MTUS1: variants seen among roughly 807,000 people sequenced by gnomAD.
The protein encoded by MTUS1 is microtubule-associated tumor suppressor 1.
MTUS1 carries 109 observed loss-of-function variants against 120.8 expected under a neutral mutation model. That is an observed-to-expected ratio of 0.90 (90% CI 0.77 to 1.06). The LOEUF (loss-of-function observed/expected upper bound fraction) is 1.06, where lower values mean the gene tolerates loss of function less well. Ranked by LOEUF, MTUS1 falls within the 50% of genes least tolerant of loss-of-function variation. The pLI is 0.00. For missense variants in MTUS1, 2,210 were observed against 1,486.3 expected (o/e 1.49, Z -8.01); for synonymous variants, 737 against 550.5 (o/e 1.34, Z -4.74).
chr8:17,662,557 T>C (rs1330304811), intron 8 of MTUS1, among the ~76,000 whole-genome samples: 1 of 151,970 alleles, frequency 6.6e-6, no homozygotes, highest in East Asian at 1.9e-4. Flanking sequence ...GGTTTCACTA[T>C]GTGGGTAAGA....
At chr8:17,651,126 T>C (rs980401462) in intron 12 of MTUS1, among the ~76,000 whole-genome samples, 4 of 152,100 alleles carry the variant, frequency 2.6e-5, no homozygotes, top group Non-Finnish European at 4.4e-5. Context: ...CAGGGACTAA[T>C]ACATCTTTAA....
intron 8 of MTUS1, among the ~76,000 whole-genome samples, chr8:17,673,488 G>C (rs1812441488): frequency 6.6e-6 from 1 of 152,182 alleles, no homozygotes; most frequent in Admixed American, 6.5e-5. Context: ...GTCTTGCTCT[G>C]TTGGCCAGAC....
chr8:17,786,170 G>C (rs1038408882), intron 1 of MTUS1, among the ~76,000 whole-genome samples: 8 of 152,038 alleles, frequency 5.3e-5, no homozygotes, highest in African/African-American at 1.9e-4. Context: ...AAGCAGCTTA[G>C]AACACGTCAA....
chr8:17,756,671 A>AACCCCCCC (rs2048636698), intron 1 of MTUS1, among the ~76,000 whole-genome samples: 30 of 117,530 alleles, frequency 2.6e-4, no homozygotes, highest in South Asian at 3.9e-4. Flanking sequence ...TCAAGCCCAA[A>AACCCCCCC]CCCCCACCCC....
At chr8:17,724,834 A>G (rs1273224287) in intron 3 of MTUS1, among the ~76,000 whole-genome samples, 1 of 152,114 alleles carries the variant, frequency 6.6e-6, no homozygotes, top group Admixed American at 6.5e-5. Flanking sequence ...CTTCCTTCTG[A>G]ATCTCAAGGC....
intron 3 of MTUS1, among the ~76,000 whole-genome samples, chr8:17,742,325 T>TG (rs2047399943): frequency 1.4e-5 from 2 of 147,934 alleles, no homozygotes; most frequent in Admixed American, 1.3e-4. Context: ...GATAGTGTCT[T>TG]GCTATGTTGC....
intron 5 of MTUS1, among the ~76,000 whole-genome samples, chr8:17,714,793 C>T (rs994213746): frequency 1.3e-5 from 2 of 150,782 alleles, no homozygotes; most frequent in African/African-American, 4.9e-5. Flanking sequence ...TTTCCAAATT[C>T]TCTAACATAA....
At chr8:17,705,263 C>T (rs140405506) in intron 6 of MTUS1, among the ~76,000 whole-genome samples, 109 of 152,264 alleles carry the variant, frequency 7.2e-4, no homozygotes, top group Non-Finnish European at 1.2e-3. Context: ...GGATTACAGG[C>T]GTGAGCCACC....
chr8:17,761,017 G>T (rs754921285), intron 1 of MTUS1, among the ~76,000 whole-genome samples: 1 of 151,896 alleles, frequency 6.6e-6, no homozygotes. Flanking sequence ...AAAACAAGGA[G>T]ATCTTTTTCA....
intron 7 of MTUS1, 94 bp downstream of exon 7, chr8:17,684,234 A>T: frequency 1.2e-6 from 1 of 852,202 alleles, no homozygotes; most frequent in Non-Finnish European, 2.0e-6. Context: ...CCCATCATTT[A>T]CCTAGATATT....
intron 1 of MTUS1, among the ~76,000 whole-genome samples, chr8:17,756,663 A>C (rs2048634739): frequency 1.6e-5 from 1 of 61,744 alleles, no homozygotes; most frequent in Non-Finnish European, 3.8e-5. Context: ...TTCATATGTC[A>C]AGCCCAAACC....
intron 6 of MTUS1, among the ~76,000 whole-genome samples, chr8:17,687,393 G>T (rs1816050565): frequency 6.6e-6 from 1 of 152,098 alleles, no homozygotes; most frequent in African/African-American, 2.4e-5. Flanking sequence ...GTACTTCACA[G>T]TACTGAAAAG....
intron 1 of MTUS1, among the ~76,000 whole-genome samples, chr8:17,798,364 G>C (rs1217217454): frequency 6.6e-6 from 1 of 151,276 alleles, no homozygotes; most frequent in Non-Finnish European, 1.5e-5. Context: ...ATGGAGTTTT[G>C]CCCTGTTGCC....
intron 1 of MTUS1, among the ~76,000 whole-genome samples, chr8:17,775,064 G>T (rs1490459598): frequency 1.0e-4 from 15 of 149,872 alleles, no homozygotes; most frequent in Non-Finnish European, 1.9e-4. Flanking sequence ...AATAGAGACA[G>T]AAAGTCAATT....
chr8:17,742,282 GTTGTTGTTGTT>G (rs2047383171), intron 3 of MTUS1, among the ~76,000 whole-genome samples: 1 of 82,266 alleles, frequency 1.2e-5, no homozygotes, highest in East Asian at 3.2e-4. Context: ...TTTTTTTTTT[GTTGTTGTTGTT>G]TTTTTTTTTT....
In MTUS1 at chr8:17,743,316, G is replaced by C. The variant is rs114495002; in HGVS notation, c.2287+288C>G. On this transcript the variant is annotated intron_variant, in intron 3 of 14. Transcript: ENST00000693296. Reference sequence around the variant, plus strand: ...ACTTAACCATTTGAAAAAACTTAATGAAATGATTCAAATTTACATCAGCCA... The same window carrying C: ...ACTTAACCATTTGAAAAAACTTAATCAAATGATTCAAATTTACATCAGCCA... 6.8e-3 allele frequency among the ~76,000 whole-genome samples: 1,031 copies of C among 152,166 alleles called. 12 individuals are homozygous for C. The highest frequency in any genetic ancestry group is 0.023 in the African/African-American group (935 of 41,506).
Position 17,655,865 on chromosome 8 carries a change from G to C in MTUS1, c.3106C>G (p.Gln1036Glu), listed in dbSNP as rs575944485. 16 of 1,614,156 alleles carry C rather than the reference G, an allele frequency of 9.9e-6. No homozygotes were observed. In the South Asian group the frequency reaches 1.6e-4, roughly 17 times the overall value. The stretch of plus-strand genomic sequence containing the variant: ...GCTCTGGCTGCAAAAGCACAGACCT[G>C]CTCTTGCAATTGCATTTTGTACTTC... ...AEKYKMQLQE[Q>E]FDNLNAAHET... The change falls in exon 9 of 15, where the codon CAG (glutamine) becomes GAG (glutamate). Residue 1036 changes from glutamine to glutamate, a missense_variant and splice_region_variant. By Grantham distance (29) the Gln-to-Glu change is conservative. Coordinates refer to ENST00000693296, the MANE Select transcript of MTUS1 (RefSeq NM_001363059.2).
Position 17,723,561 on chromosome 8 carries a change from C to G in MTUS1, c.2449+111G>C, listed in dbSNP as rs368387546. 9.5e-6 allele frequency: 11 copies of G among 1,163,454 alleles called. 1 individual carries two copies. The highest frequency in any genetic ancestry group is 1.3e-6 in the Non-Finnish European group (1 of 780,166). The allele number at this position is 1,163,454 out of a possible 1,614,324, so 72.1% of individuals were successfully genotyped here. On this transcript the variant is annotated intron_variant, in intron 4 of 14. Transcript: ENST00000693296. ...GAGCAACTCCAAGGAAGCAGTATGC[C>G]TATTTTTCCTGAAACCCCAGAAACA...
intron 2 of MTUS1, among the ~76,000 whole-genome samples, chr8:17,750,151 G>T (rs1361976093): frequency 2.0e-5 from 3 of 152,166 alleles, no homozygotes; most frequent in Non-Finnish European, 4.4e-5. Context: ...GCCCAATGCC[G>T]ATGGCAGTCG....
Sources: allele counts gnomAD v4.1 joint callset (sites outside exome capture counted in the v4.1 genomes callset), GRCh38; gene constraint gnomAD v4.1.1; transcripts MANE v1.5; gene names NCBI Gene and HGNC (gene_info 2026-07-23, HGNC 2026-07-21).